Variants in PRKN observed in about 807,000 individuals in gnomAD.
The protein encoded by PRKN is parkin RBR E3 ubiquitin protein ligase, also known as E3 ubiquitin-protein ligase parkin.
Under a neutral mutation model 59.5 loss-of-function variants are expected in PRKN, and 56 were observed. The ratio of observed to expected loss-of-function variants is 0.94; its 90% CI spans 0.76 to 1.18. The LOEUF (loss-of-function observed/expected upper bound fraction) is 1.18, where lower values mean the gene tolerates loss of function less well. Among genes scored for constraint, PRKN ranks in the 50% most tolerant of loss-of-function variants. The pLI is 0.00. For synonymous variants in PRKN, 250 were observed against 222.1 expected (o/e 1.13, Z -1.12); for missense variants, 657 against 596.4 (o/e 1.10, Z -1.06).
chr6:162,262,876 T>G (rs1438595898), intron 2 of PRKN, 111 bp from the exon 3 acceptor site: 1 of 1,384,502 alleles, frequency 7.2e-7, no homozygotes, highest in Non-Finnish European at 9.9e-7. Context: ...AAAAGTGACA[T>G]GTAACTGACC....
Position 161,774,381 on chromosome 6 carries a change from AGCACACACAC to A in PRKN, c.871+11381_871+11390del, listed in dbSNP as rs1220518500. Reference sequence around the variant, plus strand: ...CCTCCCCCATCCTTTCTACTCCCTGAGCACACACACACACACACACACACACACACACACA... The same window carrying A: ...CCTCCCCCATCCTTTCTACTCCCTGAACACACACACACACACACACACACA... On this transcript the variant is annotated intron_variant, in intron 7 of 11. Transcript: ENST00000366898. Among the ~76,000 whole-genome samples the A allele has an allele frequency of 5.0e-3, 442 of 89,160 alleles. 3 individuals are homozygous for A. Among genetic ancestry groups the A allele is most frequent in the African/African-American group, 0.015 (405 of 27,490 alleles). 58.5% of individuals were successfully genotyped at this position (89,160 alleles called of 152,430 possible).
chr6:161,846,821 A>T (rs759577768), intron 6 of PRKN, among the ~76,000 whole-genome samples: 25 of 152,282 alleles, frequency 1.6e-4, no homozygotes, highest in Middle Eastern at 3.4e-3. Flanking sequence ...AGGAAAACCT[A>T]GTTTTTAATC....
chr6:162,238,586 C>T (rs1336169562), intron 3 of PRKN, among the ~76,000 whole-genome samples: 1 of 152,118 alleles, frequency 6.6e-6, no homozygotes, highest in Non-Finnish European at 1.5e-5. Flanking sequence ...GGAAAAGGAG[C>T]CAAGACCCTG....
At chr6:161,989,197 T>C (rs1781550540) in intron 5 of PRKN, among the ~76,000 whole-genome samples, 1 of 152,370 alleles carries the variant, frequency 6.6e-6, no homozygotes. Context: ...TTGATGGATA[T>C]GTGAAGATTA....
intron 1 of PRKN, among the ~76,000 whole-genome samples, chr6:162,554,039 T>C (rs1387872937): frequency 1.3e-5 from 2 of 152,174 alleles, no homozygotes; most frequent in Non-Finnish European, 2.9e-5. Context: ...GAGACGCGAA[T>C]GCTTCATTTT....
chr6:162,563,878 T>C (rs1007665545), intron 1 of PRKN, among the ~76,000 whole-genome samples: 1 of 152,010 alleles, frequency 6.6e-6, no homozygotes, highest in Non-Finnish European at 1.5e-5. Flanking sequence ...ACAATTGGCA[T>C]ACTGAAGAAT....
At chr6:161,788,417 T>C (rs1022451137) in intron 6 of PRKN, among the ~76,000 whole-genome samples, 1 of 152,110 alleles carries the variant, frequency 6.6e-6, no homozygotes. Flanking sequence ...ATCTTACCCA[T>C]CCTGCAACTG....
intron 2 of PRKN, among the ~76,000 whole-genome samples, chr6:162,353,392 C>A (rs1390627896): frequency 6.6e-6 from 1 of 151,800 alleles, no homozygotes; most frequent in Non-Finnish European, 1.5e-5. Flanking sequence ...CTAAGCATTT[C>A]AGCAGCTATT....
chr6:162,210,271 C>T (rs1785151432), intron 3 of PRKN, among the ~76,000 whole-genome samples: 1 of 151,742 alleles, frequency 6.6e-6, no homozygotes, highest in South Asian at 2.1e-4. Flanking sequence ...TCTCAGTAGA[C>T]AATAATAGTA....
chr6:161,655,687 C>G (rs993791127), intron 7 of PRKN, among the ~76,000 whole-genome samples: 1 of 152,120 alleles, frequency 6.6e-6, no homozygotes, highest in Non-Finnish European at 1.5e-5. Context: ...AGGTTTTAAA[C>G]CAGAAGTAGC....
chr6:161,631,601 G>A (rs1229258802), intron 7 of PRKN, among the ~76,000 whole-genome samples: 1 of 152,194 alleles, frequency 6.6e-6, no homozygotes. Flanking sequence ...ATCATAATAT[G>A]AGGATGACTT....
At chr6:162,615,624 G>T (rs1782376493) in intron 1 of PRKN, among the ~76,000 whole-genome samples, 1 of 152,162 alleles carries the variant, frequency 6.6e-6, no homozygotes, top group African/African-American at 2.4e-5. Context: ...TAAAACTGAT[G>T]TTTAATTGCA....
rs551995008 is a variant in PRKN at position 161,920,805 on chromosome 6, C to T, written c.734+52497G>A. On this transcript the variant is annotated intron_variant, in intron 6 of 11. Coordinates refer to ENST00000366898, the MANE Select transcript of PRKN (RefSeq NM_004562.3). ...CTGTCTAAAAAAAAAAAAAAAGAAA[C>T]GTACCCCTGAATAGGACACTTACTG... 6.3e-4 allele frequency among the ~76,000 whole-genome samples: 94 copies of T among 150,210 alleles called. No individual in the cohort carries two copies. In the Middle Eastern group the frequency reaches 0.01, roughly 17 times the overall value.
intron 5 of PRKN, among the ~76,000 whole-genome samples, chr6:162,041,962 A>T (rs992524681): frequency 2.0e-5 from 3 of 152,050 alleles, no homozygotes; most frequent in African/African-American, 7.2e-5. Context: ...CCTAGGAGGA[A>T]ACACAAGGCC....
intron 10 of PRKN, among the ~76,000 whole-genome samples, chr6:161,364,915 A>T (rs1223781395): frequency 6.8e-6 from 1 of 147,520 alleles, no homozygotes; most frequent in Non-Finnish European, 1.5e-5. Context: ...TGGGCAACGG[A>T]GTGAGACTTT....
At chr6:162,444,951 A>C (rs1790239196) in intron 1 of PRKN, among the ~76,000 whole-genome samples, 2 of 152,208 alleles carry the variant, frequency 1.3e-5, no homozygotes, top group Non-Finnish European at 2.9e-5. Context: ...TAACATTTAA[A>C]AATAATGGAC....
At chr6:161,985,978 C>G (rs80122418) in intron 5 of PRKN, among the ~76,000 whole-genome samples, 11,747 of 152,218 alleles carry the variant, frequency 0.077, 526 homozygotes, top group Middle Eastern at 0.11. Context: ...GGAGGCCTTC[C>G]TTGATCCTGT....
intron 2 of PRKN, among the ~76,000 whole-genome samples, chr6:162,386,252 A>G (rs1411752904): frequency 6.6e-6 from 1 of 152,196 alleles, no homozygotes; most frequent in Non-Finnish European, 1.5e-5. Flanking sequence ...ACATTTGATA[A>G]TTTGCTAAAT....
intron 2 of PRKN, among the ~76,000 whole-genome samples, chr6:162,429,057 T>C (rs1789379573): frequency 6.6e-6 from 1 of 152,222 alleles, no homozygotes. Context: ...AAATTTACCA[T>C]TTTTATTGCT....
Sources: gnomAD v4.1 joint callset for allele counts (sites outside exome capture counted in the v4.1 genomes callset) on GRCh38, gnomAD v4.1.1 for gene constraint, MANE v1.5 for transcripts, NCBI Gene and HGNC (gene_info 2026-07-23, HGNC 2026-07-21) for gene names.